Variants in DPY19L1 observed in about 807,000 individuals in gnomAD.
DPY19L1 encodes protein C-mannosyl-transferase DPY19L1.
DPY19L1 carries 35 observed loss-of-function variants against 96.9 expected under a neutral mutation model. The observed-to-expected ratio is 0.36, with a 90% CI of 0.28 to 0.48. The LOEUF (loss-of-function observed/expected upper bound fraction) is 0.48, where lower values mean the gene tolerates loss of function less well. Among genes scored for constraint, DPY19L1 ranks in the 20% least tolerant of loss-of-function variants. The pLI, the probability that DPY19L1 is intolerant of heterozygous loss-of-function variation, is 0.99. For missense variants in DPY19L1, 521 were observed against 777.9 expected, an observed-to-expected ratio of 0.67 and a Z score of 3.93; for synonymous variants, 205 against 252.6, an observed-to-expected ratio of 0.81 and a Z score of 1.79.
chr7:34,943,503 T>C (rs1292803154), intron 16 of DPY19L1, among the ~76,000 whole-genome samples: 1 of 152,224 alleles, frequency 6.6e-6, no homozygotes, highest in Non-Finnish European at 1.5e-5. Context: ...ATGCTGTCTC[T>C]ATCCCACTTT....
At chr7:34,939,427 T>TG in intron 19 of DPY19L1, 52 bp from the exon 20 acceptor site, 1 of 1,496,900 alleles carries the variant, frequency 6.7e-7, no homozygotes, top group East Asian at 2.3e-5. Flanking sequence ...GGCGAGAAGG[T>TG]GTCTCCTTCA....
intron 7 of DPY19L1, among the ~76,000 whole-genome samples, chr7:34,983,257 A>T (rs1349864726): frequency 6.6e-6 from 1 of 152,180 alleles, no homozygotes; most frequent in Non-Finnish European, 1.5e-5. Flanking sequence ...AAGCTATGAG[A>T]CATGCAAAGT....
At chr7:34,954,114 T>C (rs923519979) in intron 13 of DPY19L1, among the ~76,000 whole-genome samples, 2 of 152,226 alleles carry the variant, frequency 1.3e-5, no homozygotes, top group African/African-American at 4.8e-5. Flanking sequence ...ACTTAGGATG[T>C]GCTGATTAAA....
chr7:35,003,838 T>C (rs1441902072), intron 6 of DPY19L1, among the ~76,000 whole-genome samples: 1 of 152,246 alleles, frequency 6.6e-6, no homozygotes, highest in Non-Finnish European at 1.5e-5. Flanking sequence ...TACTGTAGTC[T>C]CTCAGGGGAG....
chr7:35,000,370 G>C (rs561888225), intron 6 of DPY19L1: 1 of 152,264 alleles, frequency 6.6e-6, no homozygotes, highest in African/African-American at 2.4e-5. Context: ...TCATGCGAAG[G>C]TATGGAGTTA....
intron 11 of DPY19L1, among the ~76,000 whole-genome samples, chr7:34,956,643 A>G (rs1157974130): frequency 6.6e-6 from 1 of 151,614 alleles, no homozygotes; most frequent in Admixed American, 6.6e-5. Context: ...AGCTGGGACT[A>G]CAGGCGCCCG....
intron 6 of DPY19L1, among the ~76,000 whole-genome samples, chr7:35,004,097 C>T (rs1785494986): frequency 6.6e-6 from 1 of 152,178 alleles, no homozygotes; most frequent in Non-Finnish European, 1.5e-5. Context: ...GGGGGTGAGA[C>T]ATCCTGATCG....
At chr7:34,939,155 C>T (rs1783937486) in intron 20 of DPY19L1, 121 bp downstream of exon 20, 1 of 816,500 alleles carries the variant, frequency 1.2e-6, no homozygotes, top group Non-Finnish European at 1.9e-6. Context: ...TGCTCCCTGA[C>T]TCGATAAGCC....
intron 6 of DPY19L1, among the ~76,000 whole-genome samples, chr7:34,993,640 C>T (rs752752739): frequency 2.1e-5 from 3 of 141,924 alleles, no homozygotes; most frequent in South Asian, 2.6e-4. Context: ...TGTCAGACTT[C>T]TGATCAGAAT....
chr7:35,016,462 A>G (rs551891775), intron 3 of DPY19L1, among the ~76,000 whole-genome samples: 3 of 152,374 alleles, frequency 2.0e-5, no homozygotes, highest in African/African-American at 7.2e-5. Flanking sequence ...ACTTTCCTCT[A>G]TGATATACCT....
chr7:34,971,552 G>T (rs569182801), intron 8 of DPY19L1, among the ~76,000 whole-genome samples: 2 of 152,296 alleles, frequency 1.3e-5, no homozygotes, highest in South Asian at 4.1e-4. Flanking sequence ...GCTTCAGATG[G>T]CCTGGAATAT....
chr7:34,960,426 T>C (rs1271695312), intron 10 of DPY19L1, among the ~76,000 whole-genome samples: 1 of 152,142 alleles, frequency 6.6e-6, no homozygotes, highest in Non-Finnish European at 1.5e-5. Context: ...TGCTGTTTTA[T>C]CAAGAATCTT....
At chr7:34,992,178 T>C (rs1312986933) in intron 6 of DPY19L1, among the ~76,000 whole-genome samples, 1 of 152,168 alleles carries the variant, frequency 6.6e-6, no homozygotes, top group Admixed American at 6.5e-5. Flanking sequence ...ATTTTCTCCT[T>C]AGATAGGTGA....
At chr7:34,987,962 C>T (rs1463835946) in intron 7 of DPY19L1, 3 of 151,866 alleles carry the variant, frequency 2.0e-5, no homozygotes, top group Non-Finnish European at 2.9e-5. Flanking sequence ...TAATGATATT[C>T]GGTTTACCTT....
chr7:35,029,973 G>A (rs931680864), intron 1 of DPY19L1, among the ~76,000 whole-genome samples: 2 of 152,162 alleles, frequency 1.3e-5, no homozygotes, highest in African/African-American at 4.8e-5. Context: ...CCCTATTTTA[G>A]TTTTCTCACC....
chr7:34,959,763 A>G (rs1459657726), intron 10 of DPY19L1, among the ~76,000 whole-genome samples: 2 of 151,720 alleles, frequency 1.3e-5, no homozygotes, highest in Admixed American at 6.6e-5. Context: ...TACCTAATGT[A>G]GATGACGGGT....
chr7:34,985,505 T>C (rs531393805), intron 7 of DPY19L1, among the ~76,000 whole-genome samples: 1 of 151,468 alleles, frequency 6.6e-6, no homozygotes, highest in South Asian at 2.1e-4. Flanking sequence ...ATTTTTAAAA[T>C]GGGCAAAGAA....
intron 7 of DPY19L1, among the ~76,000 whole-genome samples, chr7:34,981,345 C>G (rs1584234758): frequency 6.6e-6 from 1 of 152,084 alleles, no homozygotes; most frequent in African/African-American, 2.4e-5. Context: ...GATGAAATGG[C>G]AGAATTAGAA....
At chr7:34,984,354 T>C (rs1276671742) in intron 7 of DPY19L1, among the ~76,000 whole-genome samples, 1 of 152,004 alleles carries the variant, frequency 6.6e-6, no homozygotes, top group Non-Finnish European at 1.5e-5. Context: ...ATACAAAGCA[T>C]AGGAAACAGC....
Sources: gnomAD v4.1 joint callset for allele counts (sites outside exome capture counted in the v4.1 genomes callset) on GRCh38, gnomAD v4.1.1 for gene constraint, MANE v1.5 for transcripts, NCBI Gene and HGNC (gene_info 2026-07-23, HGNC 2026-07-21) for gene names.